Variants in LRP6 observed in about 807,000 individuals in gnomAD.
LRP6 encodes low-density lipoprotein receptor-related protein 6.
A neutral mutation model predicts 184.1 loss-of-function variants in LRP6; 43 were observed. The ratio of observed to expected loss-of-function variants is 0.23; its 90% CI spans 0.18 to 0.30. The LOEUF (loss-of-function observed/expected upper bound fraction) is 0.30, where lower values mean the gene tolerates loss of function less well. Ranked by LOEUF, LRP6 falls within the 10% of genes least tolerant of loss-of-function variation. The pLI, the probability that LRP6 is intolerant of heterozygous loss-of-function variation, is 1.00. For missense variants in LRP6, 1,571 were observed against 2,005.3 expected (o/e 0.78, Z 4.14); for synonymous variants, 719 against 684.9 (o/e 1.05, Z -0.78).
At chr12:12,165,344 T>C in intron 7 of LRP6, 49 bp from the exon 8 acceptor site, 1 of 1,342,520 alleles carries the variant, frequency 7.4e-7, no homozygotes, top group Non-Finnish European at 1.1e-6. Context: ...GCATTTATTC[T>C]TCAGCTAAAA....
Position 12,147,354 on chromosome 12 carries a change from T to C in LRP6, c.3397+12A>G. 6.2e-7 allele frequency: 1 copy of C among 1,613,710 alleles called. No homozygotes were observed. The highest frequency in any genetic ancestry group is 8.5e-7 in the Non-Finnish European group (1 of 1,179,674). On this transcript the variant is annotated intron_variant, in intron 15 of 22. Transcript: ENST00000261349. ...ACTCAAATTAAAATAAGGAAACATA[T>C]TTCTTGGGTACCTGAGAGATCACTG... is the stretch of plus-strand genomic sequence containing the variant.
At chr12:12,125,804 C>CA (rs1949664684) in intron 20 of LRP6, among the ~76,000 whole-genome samples, 1 of 151,774 alleles carries the variant, frequency 6.6e-6, no homozygotes, top group Non-Finnish European at 1.5e-5. Flanking sequence ...CAAAAGAAAA[C>CA]AAAAAAACAT....
chr12:12,267,014 G>T lies in LRP6; in HGVS notation c.-279C>A. ...CTTCCCCCGCGCAGCTCCTCATTCA[G>T]CCTCTGCCTCGCGCAGCGGCGCAGG... On this transcript the variant is annotated 5_prime_UTR_variant, in exon 1 of 23. In the 5' UTR this introduces an upstream ATG that the reference lacks. Coordinates refer to ENST00000261349, the MANE Select transcript of LRP6 (RefSeq NM_002336.3). 2.0e-6 allele frequency: 1 copy of T among 491,598 alleles called. No individual in the cohort carries two copies. Among genetic ancestry groups the T allele is most frequent in the Admixed American group, 4.2e-5 (1 of 23,654 alleles). 30.5% of individuals were successfully genotyped at this position (491,598 alleles called of 1,614,324 possible).
At chr12:12,203,161 TC>T (rs1412546945) in intron 3 of LRP6, 41 bp downstream of exon 3, 3 of 1,427,464 alleles carry the variant, frequency 2.1e-6, no homozygotes, top group Non-Finnish European at 1.9e-6. Context: ...CAAGGCTTCA[TC>T]GAGTTTTCTT....
intron 16 of LRP6, among the ~76,000 whole-genome samples, chr12:12,136,169 A>G (rs956735774): frequency 6.6e-6 from 1 of 152,178 alleles, no homozygotes; most frequent in Non-Finnish European, 1.5e-5. Flanking sequence ...CCTGGGCGGC[A>G]GAGCAAGACT....
chr12:12,261,790 T>C (rs1405710425), intron 1 of LRP6, among the ~76,000 whole-genome samples: 1 of 152,182 alleles, frequency 6.6e-6, no homozygotes, highest in East Asian at 1.9e-4. Flanking sequence ...TTTGTTCTAC[T>C]TCCCCAAGAC....
chr12:12,167,558 G>A (rs181855776), intron 7 of LRP6, among the ~76,000 whole-genome samples: 7 of 151,664 alleles, frequency 4.6e-5, no homozygotes, highest in African/African-American at 1.7e-4. Flanking sequence ...CAGGAGAATC[G>A]CTTGAACCCA....
At position 12,184,012 on chromosome 12, in the gene LRP6, T is replaced by C. The variant is rs1170873775; in HGVS notation, c.944A>G (p.Lys315Arg). 1.9e-6 allele frequency: 3 copies of C among 1,613,788 alleles called. No homozygotes were observed. The highest frequency in any genetic ancestry group is 2.2e-5 in the East Asian group (1 of 44,862). Reference protein sequence around the residue: ...FYQCACPTGVKLLENGKTCKD... With the variant: ...FYQCACPTGVRLLENGKTCKD... ...GCAGGTTTTTCCATTCTCCAGGAGT[T>C]TGACCCCAGTGGGGCAAGCACACTG... The change falls in exon 5 of 23, where the codon AAA becomes AGA. Residue 315 changes from lysine (K) to arginine (R), a missense_variant. Lys to Arg is a conservative substitution (Grantham distance 26). Around this residue, in one of 4 missense-constraint regions of LRP6, gnomAD observed 640 missense variants for 851.9 expected, o/e 0.75. Coordinates refer to ENST00000261349, the MANE Select transcript of LRP6 (RefSeq NM_002336.3).
At chr12:12,208,701 T>G (rs1202163523) in intron 2 of LRP6, among the ~76,000 whole-genome samples, 4 of 152,150 alleles carry the variant, frequency 2.6e-5, no homozygotes, top group African/African-American at 9.7e-5. Flanking sequence ...CAATTTCTCC[T>G]CTAACCCCCA....
intron 7 of LRP6, among the ~76,000 whole-genome samples, chr12:12,165,724 T>C (rs1035318593): frequency 2.0e-5 from 3 of 152,236 alleles, no homozygotes; most frequent in African/African-American, 4.8e-5. Context: ...CTGAGATTCA[T>C]GTAAGGTCAC....
At chr12:12,198,080 G>A (rs575606937) in intron 3 of LRP6, among the ~76,000 whole-genome samples, 14 of 152,276 alleles carry the variant, frequency 9.2e-5, no homozygotes, top group East Asian at 3.9e-4. Flanking sequence ...CACCATGCTC[G>A]GCTAATTTTT....
rs761689433 is a variant in LRP6, at chr12:12,120,152, T to TA, written c.*973dup. On this transcript the variant is annotated 3_prime_UTR_variant, in exon 23 of 23. Transcript: ENST00000261349. Reference sequence around the variant, plus strand: ...TCTTAAACATTGTCTATATGTGTTGTAAAAAGACATTTTAATGAGCATTAA... The same window carrying TA: ...TCTTAAACATTGTCTATATGTGTTGTAAAAAAGACATTTTAATGAGCATTAA... 3 of 150,986 alleles carry TA rather than the reference T, an allele frequency of 2.0e-5. No individual in the cohort carries two copies. Among genetic ancestry groups the TA allele is most frequent in the Non-Finnish European group, 4.4e-5 (3 of 67,756 alleles). 9.4% of individuals were successfully genotyped at this position (150,986 alleles called of 1,614,324 possible). A position where few individuals can be genotyped will look rare whatever the true frequency, so the allele number is the denominator to read the frequency against.
At chr12:12,185,879 T>G (rs910046548) in intron 4 of LRP6, among the ~76,000 whole-genome samples, 1 of 151,544 alleles carries the variant, frequency 6.6e-6, no homozygotes, top group Non-Finnish European at 1.5e-5. Flanking sequence ...AATTTCTTTC[T>G]TGTTGCCCAG....
At chr12:12,144,880 A>C (rs1198599803) in intron 15 of LRP6, among the ~76,000 whole-genome samples, 1 of 82,402 alleles carries the variant, frequency 1.2e-5, no homozygotes, top group East Asian at 3.0e-4. Flanking sequence ...ACTTGGACAC[A>C]GGGTGGGGAA....
rs551127121 is a variant in LRP6 at position 12,183,003 on chromosome 12, A to C, written c.976+977T>G. Among the ~76,000 whole-genome samples, 5 of 152,336 alleles carry C rather than the reference A, an allele frequency of 3.3e-5. No homozygotes were observed. The South Asian group carries it at 1.0e-3, about 32-fold the overall frequency. Reference sequence around the variant, plus strand: ...TAAAGAAAAAAGCAACATTACAAAAACCTTTTGTTTTAAATTGAAACCAAA... The same window carrying C: ...TAAAGAAAAAAGCAACATTACAAAACCCTTTTGTTTTAAATTGAAACCAAA... On this transcript the variant is annotated intron_variant, in intron 5 of 22. Transcript: ENST00000261349.
rs551172978 is a variant in LRP6 at position 12,117,419 on chromosome 12, C to T, written c.*3707G>A. The T allele has an allele frequency of 6.6e-6, 1 of 152,144 alleles. No individual in the cohort carries two copies. The highest frequency in any genetic ancestry group is 1.5e-5 in the Non-Finnish European group (1 of 68,012). 9.4% of individuals were successfully genotyped at this position (152,144 alleles called of 1,614,324 possible). A position where few individuals can be genotyped will look rare whatever the true frequency, so the allele number is the denominator to read the frequency against. Reference sequence around the variant, plus strand: ...ACATTTATTAAGAGCTGACATATTTCGGATGTGAAAAGTCCAAGATTTTTG... The same window carrying T: ...ACATTTATTAAGAGCTGACATATTTTGGATGTGAAAAGTCCAAGATTTTTG... On this transcript the variant is annotated 3_prime_UTR_variant, in exon 23 of 23. Coordinates refer to ENST00000261349, the MANE Select transcript of LRP6 (RefSeq NM_002336.3).
At position 12,151,005 on chromosome 12, in the gene LRP6, C is replaced by G; in HGVS notation, c.2825G>C (p.Ser942Thr). 1 of 1,614,146 alleles carries G rather than the reference C, an allele frequency of 6.2e-7. No individual in the cohort carries two copies. Among genetic ancestry groups the G allele is most frequent in the Non-Finnish European group, 8.5e-7 (1 of 1,180,014 alleles). Residue 942 changes from serine to threonine, a missense_variant, in exon 13 of 23, where the codon AGT becomes ACT. Ser to Thr is a moderately conservative substitution (Grantham distance 58, BLOSUM62 1). Transcript: ENST00000261349. ...PTTFLLFSQKSAINRMVIDEQ... is the reference protein window; with the variant it reads ...PTTFLLFSQKTAINRMVIDEQ... ...ATCAATCACCATGCGGTTGATGGCA[C>G]TCTTTTGACTGAAGAGCAGGAAAGT...
intron 1 of LRP6, among the ~76,000 whole-genome samples, chr12:12,254,143 C>CAAAAAAAAAAAAAAA (rs34210761): frequency 1.2e-4 from 9 of 74,332 alleles, no homozygotes; most frequent in African/African-American, 3.4e-4. Context: ...GACTCTGTCT[C>CAAAAAAAAAAAAAAA]AAAAAAAAAA....
intron 1 of LRP6, among the ~76,000 whole-genome samples, chr12:12,248,185 C>CT (rs1291501521): frequency 2.6e-5 from 4 of 152,188 alleles, no homozygotes; most frequent in African/African-American, 9.6e-5. Context: ...CTCCTTACCT[C>CT]CTCTCTACAA....
Sources: allele counts gnomAD v4.1 joint callset (sites outside exome capture counted in the v4.1 genomes callset), GRCh38; gene constraint gnomAD v4.1.1; regional missense constraint gnomAD v4.1.1; transcripts MANE v1.5; gene names NCBI Gene and HGNC (gene_info 2026-07-23, HGNC 2026-07-21).